Variants in CAMTA1 observed in about 807,000 individuals in gnomAD.
CAMTA1 encodes calmodulin binding transcription activator 1.
A neutral mutation model predicts 170.9 loss-of-function variants in CAMTA1; 27 were observed. The observed-to-expected ratio is 0.16, with a 90% confidence interval of 0.12 to 0.22. CAMTA1 has a LOEUF of 0.22. CAMTA1 is among the 10% of genes least tolerant of loss of function. The pLI is 1.00. For missense variants in CAMTA1, 1,619 were observed against 2,217.2 expected (o/e 0.73, Z 5.42); for synonymous variants, 833 against 891.5 (o/e 0.93, Z 1.17).
At chr1:7,420,103 G>A (rs906736290) in intron 5 of CAMTA1, among the ~76,000 whole-genome samples, 1 of 152,110 alleles carries the variant, frequency 6.6e-6, no homozygotes, top group Non-Finnish European at 1.5e-5. Flanking sequence ...CAACCCCAGT[G>A]GGGACCTCCA....
chr1:6,898,108 C>G (rs1325986036), intron 3 of CAMTA1, among the ~76,000 whole-genome samples: 2 of 152,174 alleles, frequency 1.3e-5, no homozygotes, highest in South Asian at 2.1e-4. Flanking sequence ...CTTGGTACTT[C>G]AGTTGGCTCA....
chr1:7,379,059 G>A (rs1245022823), intron 5 of CAMTA1, among the ~76,000 whole-genome samples: 1 of 152,178 alleles, frequency 6.6e-6, no homozygotes, highest in Non-Finnish European at 1.5e-5. Context: ...AGCACCTGAT[G>A]GTGAAATGCC....
chr1:7,405,423 T>C (rs1184082942), intron 5 of CAMTA1, among the ~76,000 whole-genome samples: 1 of 152,236 alleles, frequency 6.6e-6, no homozygotes, highest in East Asian at 1.9e-4. Flanking sequence ...CAGGCTGGAG[T>C]GCAGTAGCAC....
intron 5 of CAMTA1, among the ~76,000 whole-genome samples, chr1:7,400,743 T>C (rs1321094987): frequency 6.6e-6 from 1 of 152,232 alleles, no homozygotes; most frequent in Non-Finnish European, 1.5e-5. Context: ...TTTCTTTTGC[T>C]GTATCAATAT....
chr1:7,655,117 T>TAC (rs568780846), intron 7 of CAMTA1, among the ~76,000 whole-genome samples: 84,420 of 110,220 alleles, frequency 0.77, 32,217 homozygotes, highest in East Asian at 0.95. Context: ...CACACACCTA[T>TAC]ACACACACCT....
chr1:7,027,805 T>C (rs531956297), intron 3 of CAMTA1, among the ~76,000 whole-genome samples: 13 of 152,238 alleles, frequency 8.5e-5, no homozygotes, highest in Non-Finnish European at 1.8e-4. Flanking sequence ...AGGTTGGGCA[T>C]GGATACAAAG....
intron 5 of CAMTA1, among the ~76,000 whole-genome samples, chr1:7,338,464 G>T (rs989624559): frequency 3.9e-5 from 6 of 152,208 alleles, no homozygotes; most frequent in Non-Finnish European, 5.9e-5. Context: ...AGCCCACCAT[G>T]TACGCAGGAA....
chr1:7,439,724 G>A (rs1010769925), intron 5 of CAMTA1, among the ~76,000 whole-genome samples: 33 of 152,222 alleles, frequency 2.2e-4, no homozygotes, highest in Admixed American at 6.5e-5. Flanking sequence ...GGGGAGGAAC[G>A]GAAGTGTGCA....
intron 6 of CAMTA1, among the ~76,000 whole-genome samples, chr1:7,549,935 G>A (rs995248457): frequency 1.3e-5 from 2 of 152,108 alleles, no homozygotes; most frequent in African/African-American, 2.4e-5. Flanking sequence ...CATCTATAGA[G>A]AGAGGAACAT....
intron 5 of CAMTA1, among the ~76,000 whole-genome samples, chr1:7,371,506 C>T (rs906427254): frequency 5.3e-5 from 8 of 150,558 alleles, no homozygotes; most frequent in South Asian, 2.1e-4. Flanking sequence ...GTGATCTGCC[C>T]GCCTCGGCCT....
chr1:7,382,182 G>T (rs560089585), intron 5 of CAMTA1, among the ~76,000 whole-genome samples: 70 of 152,344 alleles, frequency 4.6e-4, no homozygotes, highest in African/African-American at 1.7e-3. Context: ...GGAAATGTAG[G>T]CTTCACTCTG....
intron 3 of CAMTA1, among the ~76,000 whole-genome samples, chr1:6,980,973 A>G (rs1273605255): frequency 6.6e-6 from 1 of 151,880 alleles, no homozygotes. Flanking sequence ...TGGTTCCCTC[A>G]TCGGAAACCC....
chr1:7,292,316 C>G (rs1673261776), intron 5 of CAMTA1, among the ~76,000 whole-genome samples: 1 of 152,028 alleles, frequency 6.6e-6, no homozygotes, highest in African/African-American at 2.4e-5. Flanking sequence ...AAAAAAAGTT[C>G]TTTGAAAGAA....
Position 6,918,781 on chromosome 1 carries a change from G to A in CAMTA1, c.234+93571G>A, listed in dbSNP as rs1681369790. ...ACACTCAAGTTCAGTCATGCCCACCGCGTTCCCCCAGCCTGTCACCCTGTG... is the reference window on the plus strand; with the variant it reads ...ACACTCAAGTTCAGTCATGCCCACCACGTTCCCCCAGCCTGTCACCCTGTG... On this transcript the variant is annotated intron_variant, in intron 3 of 22. Transcript: ENST00000303635. This position sits in a 1 kb window ranked among gnomAD's most constrained non-coding sequence, Gnocchi z 4.0. 1.3e-5 allele frequency among the ~76,000 whole-genome samples: 2 copies of A among 152,280 alleles called. No homozygotes were observed. Among genetic ancestry groups the A allele is most frequent in the East Asian group, 1.9e-4 (1 of 5,164 alleles).
At chr1:7,077,790 G>A (rs926453254) in intron 3 of CAMTA1, among the ~76,000 whole-genome samples, 14 of 152,068 alleles carry the variant, frequency 9.2e-5, no homozygotes, top group African/African-American at 3.1e-4. Flanking sequence ...GGCCTGGAGC[G>A]AGGCAAAATG....
At chr1:7,715,459 GTC>G (rs1009747848) in intron 11 of CAMTA1, among the ~76,000 whole-genome samples, 10 of 150,114 alleles carry the variant, frequency 6.7e-5, no homozygotes, top group African/African-American at 1.7e-4. Flanking sequence ...TTGAGGCACG[GTC>G]TCTCTCTCTG....
rs140189558 is a variant in CAMTA1 at position 7,251,674 on chromosome 1, G to A, written c.438+2048G>A. ...ACAGGAGTCATATTCTCTGCCCCAC[G>A]GACTCATGGTCAAGTTGAAGAGGCT... On this transcript the variant is annotated intron_variant, in intron 5 of 22. Transcript: ENST00000303635. This position sits in a 1 kb window ranked among gnomAD's most constrained non-coding sequence, Gnocchi z 5.1. Among the ~76,000 whole-genome samples the A allele has an allele frequency of 1.1e-3, 174 of 152,238 alleles. No homozygotes were observed. The highest frequency in any genetic ancestry group is 1.9e-3 in the Non-Finnish European group (131 of 68,014).
chr1:7,092,405 C>T lies in CAMTA1; in HGVS notation c.302+1034C>T, dbSNP rs1045682528. ...CCTTCTAGAAGGTATTTTAAAATACCACATTATTAGGCTGAGATATTTACT... is the reference window on the plus strand; with the variant it reads ...CCTTCTAGAAGGTATTTTAAAATACTACATTATTAGGCTGAGATATTTACT... On this transcript the variant is annotated intron_variant, in intron 4 of 22. Coordinates refer to ENST00000303635, the MANE Select transcript of CAMTA1 (RefSeq NM_015215.4). The surrounding 1 kb of genome is among the most constrained non-coding windows in gnomAD (Gnocchi z 5.0). Among the ~76,000 whole-genome samples, 16 of 152,044 alleles carry T rather than the reference C, an allele frequency of 1.1e-4. No homozygotes were observed. Among genetic ancestry groups the T allele is most frequent in the Non-Finnish European group, 1.5e-4 (10 of 68,000 alleles).
rs559684934 is a variant in CAMTA1 at position 7,681,651 on chromosome 1, T to G, written c.2914+3918T>G. Reference sequence around the variant, plus strand: ...AATGGGGTTTACCCTGGAGACCCACTGGGGAGGATCTCTGGGAAATGTCAC... The same window carrying G: ...AATGGGGTTTACCCTGGAGACCCACGGGGGAGGATCTCTGGGAAATGTCAC... On this transcript the variant is annotated intron_variant, in intron 11 of 22. Transcript: ENST00000303635. The surrounding 1 kb of genome is among the most constrained non-coding windows in gnomAD (Gnocchi z 4.6). Among the ~76,000 whole-genome samples, 4 of 152,328 alleles carry G rather than the reference T, an allele frequency of 2.6e-5. No individual in the cohort carries two copies. In the South Asian group the frequency reaches 8.3e-4, roughly 32 times the overall value.
Sources: allele counts gnomAD v4.1 joint callset (sites outside exome capture counted in the v4.1 genomes callset), GRCh38; gene constraint gnomAD v4.1.1; non-coding constraint Gnocchi (gnomAD v3.1); transcripts MANE v1.5; gene names NCBI Gene and HGNC (gene_info 2026-07-23, HGNC 2026-07-21).